Variants in RASEF observed in about 807,000 individuals in gnomAD.
RASEF encodes the protein RAS and EF-hand domain containing.
RASEF carries 68 observed loss-of-function variants against 90.1 expected under a neutral mutation model. That is an observed-to-expected ratio of 0.75 (90% CI 0.62 to 0.92). RASEF has a LOEUF of 0.92. RASEF is among the 40% of genes least tolerant of loss of function. RASEF has a pLI of 0.00. For synonymous variants in RASEF, 331 were observed against 345.2 expected, an observed-to-expected ratio of 0.96 and a Z score of 0.46; for missense variants, 949 against 937.2, an observed-to-expected ratio of 1.01 and a Z score of -0.16.
chr9:82,983,972 A>G (rs1424900705), intron 16 of RASEF, among the ~76,000 whole-genome samples: 2 of 152,206 alleles, frequency 1.3e-5, no homozygotes, highest in African/African-American at 2.4e-5. Flanking sequence ...GCTGACATCC[A>G]GCCACCTCTG....
chr9:83,089,269 T>C, the RASEF span, among the ~76,000 whole-genome samples: 1 of 149,946 alleles, frequency 6.7e-6, no homozygotes, highest in African/African-American at 2.5e-5. Context: ...TATTAATAAT[T>C]ATTGTTTTAC....
At chr9:83,203,551 C>T in the RASEF span, among the ~76,000 whole-genome samples, 1 of 152,190 alleles carries the variant, frequency 6.6e-6, no homozygotes. Context: ...GCTGGGATTA[C>T]AGGCATGAGC....
At chr9:83,024,940 C>T (rs1829515574) in intron 2 of RASEF, among the ~76,000 whole-genome samples, 1 of 152,068 alleles carries the variant, frequency 6.6e-6, no homozygotes, top group Non-Finnish European at 1.5e-5. Context: ...GTCTTGGGAG[C>T]TCTTGGTGGA....
At chr9:83,061,189 T>C (rs1830194570) in intron 1 of RASEF, among the ~76,000 whole-genome samples, 1 of 152,178 alleles carries the variant, frequency 6.6e-6, no homozygotes, top group Admixed American at 6.5e-5. Flanking sequence ...GGGGAGTAAC[T>C]CATTTGTAAA....
intron 14 of RASEF, among the ~76,000 whole-genome samples, chr9:82,994,590 G>C (rs1828877205): frequency 6.6e-6 from 1 of 152,146 alleles, no homozygotes; most frequent in Non-Finnish European, 1.5e-5. Context: ...ACAGGGCTCT[G>C]TTTTCTTAAC....
the RASEF span, among the ~76,000 whole-genome samples, chr9:83,071,805 C>T: frequency 6.6e-6 from 1 of 152,174 alleles, no homozygotes; most frequent in Non-Finnish European, 1.5e-5. Flanking sequence ...CATGGTATCT[C>T]CATCTGGTAA....
the RASEF span, among the ~76,000 whole-genome samples, chr9:83,155,313 A>C: frequency 6.6e-6 from 1 of 152,146 alleles, no homozygotes; most frequent in Non-Finnish European, 1.5e-5. Flanking sequence ...AGACATACCC[A>C]AGACTGGGTA....
At chr9:83,026,021 A>T (rs1829541905) in intron 1 of RASEF, 100 bp from the exon 2 acceptor site, 1 of 874,588 alleles carries the variant, frequency 1.1e-6, no homozygotes, top group Admixed American at 2.8e-5. Flanking sequence ...AGAACTAAGG[A>T]AAGAAAAACC....
chr9:83,153,813 C>T, the RASEF span, among the ~76,000 whole-genome samples: 14 of 152,212 alleles, frequency 9.2e-5, no homozygotes, highest in Non-Finnish European at 1.3e-4. Context: ...CTGTGTGGCA[C>T]GTTCCCTGGC....
At chr9:83,184,239 CT>C in the RASEF span, among the ~76,000 whole-genome samples, 2 of 152,134 alleles carry the variant, frequency 1.3e-5, no homozygotes, top group African/African-American at 4.8e-5. Context: ...AGCATTTGAG[CT>C]GTACCTTATG....
chr9:83,000,145 T>C lies in RASEF; in HGVS notation c.1723+24A>G, dbSNP rs1431000942. The C allele has an allele frequency of 3.1e-6, 5 of 1,606,024 alleles. No individual in the cohort carries two copies. The Admixed American group carries it at 8.6e-5, about 27-fold the overall frequency. ...AAGCTAAGGAAGGTCATTTTCCCAT[T>C]ATCAACCGAAATACGAGCCATACCC... On this transcript the variant is annotated intron_variant, in intron 12 of 16. Transcript: ENST00000376447.
At chr9:83,173,208 T>G in the RASEF span, among the ~76,000 whole-genome samples, 1 of 152,042 alleles carries the variant, frequency 6.6e-6, no homozygotes, top group East Asian at 1.9e-4. Context: ...GTTTGATTAT[T>G]TTATGTCTCA....
chr9:83,039,391 G>A (rs559887567), intron 1 of RASEF, among the ~76,000 whole-genome samples: 26 of 152,176 alleles, frequency 1.7e-4, no homozygotes, highest in Non-Finnish European at 3.5e-4. Flanking sequence ...AATGAATGAA[G>A]GAAGGAGGCA....
chr9:83,055,583 A>C (rs572803710), intron 1 of RASEF: 1 of 717,752 alleles, frequency 1.4e-6, no homozygotes, highest in South Asian at 1.5e-5. Flanking sequence ...TCGATTGTCC[A>C]AAGTGTTTCT....
chr9:83,062,709 C>G lies in RASEF; in HGVS notation c.159G>C (p.Arg53=). 4 of 1,578,780 alleles carry G rather than the reference C, an allele frequency of 2.5e-6. No individual in the cohort carries two copies. Among genetic ancestry groups the G allele is most frequent in the Non-Finnish European group, 3.4e-6 (4 of 1,171,024 alleles). Residue 53 remains arginine (R), a synonymous_variant, in exon 1 of 17, where the codon CGG becomes CGC. Coordinates refer to ENST00000376447, the MANE Select transcript of RASEF (RefSeq NM_152573.4). The part of the protein sequence containing the change: ...RPADAEAVFQ[R]LDADRDGAIT... ...TGGCGCCGTCACGGTCGGCGTCCAG[C>G]CGCTGGAATACTGCCTCGGCGTCGG...
At chr9:83,085,955 G>C in the RASEF span, among the ~76,000 whole-genome samples, 4 of 152,106 alleles carry the variant, frequency 2.6e-5, no homozygotes, top group South Asian at 8.3e-4. Context: ...AATAAAAAAA[G>C]TTACAAATCT....
chr9:83,040,186 A>C (rs1296627523), intron 1 of RASEF, among the ~76,000 whole-genome samples: 1 of 152,252 alleles, frequency 6.6e-6, no homozygotes, highest in Non-Finnish European at 1.5e-5. Flanking sequence ...ACCCAGTCTC[A>C]GGTATTTCTT....
At chr9:83,039,942 T>C (rs746708169) in intron 1 of RASEF, among the ~76,000 whole-genome samples, 16 of 152,036 alleles carry the variant, frequency 1.1e-4, no homozygotes, top group Non-Finnish European at 2.2e-4. Flanking sequence ...CTCCCATAAT[T>C]CCCATGTGTC....
the RASEF span, among the ~76,000 whole-genome samples, chr9:83,117,964 G>A: frequency 6.6e-6 from 1 of 152,126 alleles, no homozygotes; most frequent in Non-Finnish European, 1.5e-5. Flanking sequence ...GAAACTGGAA[G>A]GTCTAACTTC....
Sources: gnomAD v4.1 joint callset for allele counts (sites outside exome capture counted in the v4.1 genomes callset) on GRCh38, gnomAD v4.1.1 for gene constraint, MANE v1.5 for transcripts, NCBI Gene and HGNC (gene_info 2026-07-23, HGNC 2026-07-21) for gene names.